Variants in JAK1 observed in about 807,000 individuals in gnomAD.
JAK1 encodes tyrosine-protein kinase JAK1.
Under a neutral mutation model 136.6 loss-of-function variants are expected in JAK1, and 16 were observed. The ratio of observed to expected loss-of-function variants is 0.12; its 90% CI spans 0.08 to 0.18. JAK1 has a LOEUF of 0.18. JAK1 is among the 10% of genes least tolerant of loss of function. The pLI, the probability that JAK1 is intolerant of heterozygous loss-of-function variation, is 1.00. For synonymous variants in JAK1, 492 were observed against 519.5 expected (o/e 0.95, Z 0.72); for missense variants, 859 against 1,450.1 (o/e 0.59, Z 6.62).
chr1:64,975,474 G>A (rs1424202473), intron 2 of JAK1, among the ~76,000 whole-genome samples: 2 of 152,196 alleles, frequency 1.3e-5, no homozygotes, highest in African/African-American at 4.8e-5. Context: ...TGCTCAGGGA[G>A]CAGCCTCTCC....
chr1:64,903,292 G>T (rs1169868380), intron 1 of JAK1, among the ~76,000 whole-genome samples: 4 of 152,184 alleles, frequency 2.6e-5, no homozygotes, highest in Non-Finnish European at 5.9e-5. Context: ...CTCCCAAAGT[G>T]CTGGGACTAC....
intron 1 of JAK1, among the ~76,000 whole-genome samples, chr1:64,910,457 G>A (rs558746224): frequency 5.3e-5 from 8 of 152,314 alleles, no homozygotes; most frequent in South Asian, 2.1e-4. Flanking sequence ...AAATTTCTCC[G>A]GGGGAAGAGG....
intron 1 of JAK1, among the ~76,000 whole-genome samples, chr1:64,963,737 T>C (rs1186587944): frequency 6.6e-6 from 1 of 152,046 alleles, no homozygotes; most frequent in African/African-American, 2.4e-5. Flanking sequence ...AGAAAAGAGG[T>C]GCCCTGAAGT....
At chr1:64,870,455 G>A (rs746619530) in intron 5 of JAK1, among the ~76,000 whole-genome samples, 7 of 152,054 alleles carry the variant, frequency 4.6e-5, no homozygotes, top group African/African-American at 7.2e-5. Context: ...AGTATCTAAC[G>A]TCAGGCAGTT....
intron 1 of JAK1, among the ~76,000 whole-genome samples, chr1:65,051,582 C>T (rs1647285443): frequency 6.6e-6 from 1 of 152,096 alleles, no homozygotes; most frequent in Admixed American, 6.5e-5. Flanking sequence ...AGACAGCTAG[C>T]CCCCAGTGGA....
chr1:64,966,683 C>G (rs1382387290), upstream of JAK1, among the ~76,000 whole-genome samples: 1 of 150,940 alleles, frequency 6.6e-6, no homozygotes, highest in African/African-American at 2.4e-5. Flanking sequence ...GGAGACTCTG[C>G]GCCTCCGGCC....
rs2100961205 is a variant in JAK1, at chr1:64,839,709, A to G, written c.2736T>C (p.Pro912=). Residue 912 remains proline (P), a synonymous_variant, in exon 20 of 25, where the codon CCT becomes CCC. Coordinates refer to ENST00000342505, the MANE Select transcript of JAK1 (RefSeq NM_002227.4). ...CAGCTATGTGGTTACCTCCACTCTC[A>G]GGCTTCAGAGATTTAACAGCCACCT... ...GEQVAVKSLK[P]ESGGNHIADL... 6.2e-7 allele frequency: 1 copy of G among 1,614,168 alleles called. No individual in the cohort carries two copies.
chr1:64,963,369 C>A (rs772194921), intron 1 of JAK1, among the ~76,000 whole-genome samples: 1 of 152,060 alleles, frequency 6.6e-6, no homozygotes, highest in Non-Finnish European at 1.5e-5. Flanking sequence ...ATAGTGAATT[C>A]TCCTTATTGT....
At chr1:64,893,770 A>G (rs1015638971) in intron 1 of JAK1, among the ~76,000 whole-genome samples, 3 of 152,234 alleles carry the variant, frequency 2.0e-5, no homozygotes, top group African/African-American at 7.2e-5. Context: ...CACCTAACAT[A>G]GCTCATTTTT....
chr1:64,952,025 C>T (rs1308541651), intron 1 of JAK1, among the ~76,000 whole-genome samples: 2 of 152,210 alleles, frequency 1.3e-5, no homozygotes, highest in African/African-American at 2.4e-5. Context: ...TTCCCCCAGA[C>T]ACACTGCAGT....
At position 64,894,796 on chromosome 1, in the gene JAK1, A is replaced by C. The variant is rs143389495; in HGVS notation, c.-77-8455T>G. ...CGTCTCAAAAAACAAACAAAAAAAAACCAGGAAATCTCAAGAAAAATCTTT... is the reference window on the plus strand; with the variant it reads ...CGTCTCAAAAAACAAACAAAAAAAACCCAGGAAATCTCAAGAAAAATCTTT... On this transcript the variant is annotated intron_variant, in intron 1 of 24. Transcript: ENST00000342505. Among the ~76,000 whole-genome samples the C allele has an allele frequency of 1.9e-3, 291 of 152,002 alleles. 3 individuals are homozygous for C. The Middle Eastern group carries it at 0.02, about 11-fold the overall frequency.
intron 1 of JAK1, among the ~76,000 whole-genome samples, chr1:64,964,276 C>A (rs1646335023): frequency 6.6e-6 from 1 of 152,134 alleles, no homozygotes; most frequent in South Asian, 2.1e-4. Flanking sequence ...TAAGGACATA[C>A]AAAATGGGAT....
chr1:64,913,277 T>C (rs1030875414), intron 1 of JAK1, among the ~76,000 whole-genome samples: 4 of 152,090 alleles, frequency 2.6e-5, no homozygotes, highest in Non-Finnish European at 4.4e-5. Flanking sequence ...CTAGGAGATA[T>C]TAAAACATCA....
intron 5 of JAK1, among the ~76,000 whole-genome samples, chr1:64,869,740 G>T (rs761463190): frequency 1.3e-5 from 2 of 152,166 alleles, no homozygotes; most frequent in Non-Finnish European, 2.9e-5. Context: ...AAGTCCCTTC[G>T]CCATAGAAGT....
intron 2 of JAK1, among the ~76,000 whole-genome samples, chr1:65,014,252 A>C (rs1646874071): frequency 6.6e-6 from 1 of 152,134 alleles, no homozygotes; most frequent in South Asian, 2.1e-4. Context: ...ATTTGAAGAA[A>C]TACTGGCCTA....
intron 2 of JAK1, chr1:65,003,821 C>CA (rs1199320880): frequency 6.6e-6 from 1 of 152,196 alleles, no homozygotes; most frequent in East Asian, 1.9e-4. Flanking sequence ...ACATACAAAA[C>CA]AAAAAAGAAA....
chr1:65,006,795 A>G lies in JAK1; in HGVS notation c.-78+37685T>C, dbSNP rs1392088500. On this transcript the variant is annotated intron_variant, in intron 2 of 25. Coordinates refer to the JAK1 transcript ENST00000671954. ...TTACGCCTTGTATATAAAATATTTTATCTTCATAATATTTACGTTGATTCA... is the reference window on the plus strand; with the variant it reads ...TTACGCCTTGTATATAAAATATTTTGTCTTCATAATATTTACGTTGATTCA... Among the ~76,000 whole-genome samples the G allele has an allele frequency of 4.6e-5, 7 of 152,196 alleles. 1 individual carries two copies. The highest frequency in any genetic ancestry group is 2.6e-4 in the Admixed American group (4 of 15,268).
At chr1:64,881,081 CA>C (rs1322854658) in intron 3 of JAK1, among the ~76,000 whole-genome samples, 1 of 151,882 alleles carries the variant, frequency 6.6e-6, no homozygotes, top group African/African-American at 2.4e-5. Flanking sequence ...CCAGCCTGGG[CA>C]ACATATCAAG....
chr1:65,042,435 C>A (rs1235553875), intron 2 of JAK1, among the ~76,000 whole-genome samples: 4 of 151,334 alleles, frequency 2.6e-5, no homozygotes, highest in African/African-American at 9.7e-5. Flanking sequence ...CACACACACA[C>A]ACAAACACAC....
Sources: allele counts gnomAD v4.1 joint callset (sites outside exome capture counted in the v4.1 genomes callset), GRCh38; gene constraint gnomAD v4.1.1; transcripts MANE v1.5; gene names NCBI Gene and HGNC (gene_info 2026-07-23, HGNC 2026-07-21).